Variants in FAM13B observed in about 807,000 individuals in gnomAD.
FAM13B encodes the protein protein FAM13B.
Under a neutral mutation model 117.3 loss-of-function variants are expected in FAM13B, and 60 were observed. That is an observed-to-expected ratio of 0.51 (90% CI 0.42 to 0.63). FAM13B has a LOEUF of 0.63. Among genes scored for constraint, FAM13B ranks in the 30% least tolerant of loss-of-function variants. FAM13B has a pLI of 0.00. For missense variants in FAM13B, 972 were observed against 1,091.9 expected (o/e 0.89, Z 1.55); for synonymous variants, 332 against 356.1 (o/e 0.93, Z 0.76).
At chr5:137,949,552 G>A (rs1042339929) in intron 17 of FAM13B, among the ~76,000 whole-genome samples, 10 of 152,148 alleles carry the variant, frequency 6.6e-5, no homozygotes, top group Non-Finnish European at 1.3e-4. Context: ...TGCCAAGGTG[G>A]GTGGATCACT....
chr5:137,940,747 A>T (rs1010053068), intron 23 of FAM13B, among the ~76,000 whole-genome samples: 1 of 152,234 alleles, frequency 6.6e-6, no homozygotes, highest in Non-Finnish European at 1.5e-5. Context: ...AAACTATCTT[A>T]TCTGCAACAA....
intron 6 of FAM13B, among the ~76,000 whole-genome samples, chr5:138,008,848 T>TTA (rs1315004669): frequency 2.6e-5 from 4 of 152,190 alleles, no homozygotes; most frequent in Non-Finnish European, 5.9e-5. Context: ...AAAGTCATTA[T>TTA]TAACAATAGT....
intron 10 of FAM13B, among the ~76,000 whole-genome samples, chr5:137,975,453 C>T (rs770013266): frequency 2.0e-5 from 3 of 152,144 alleles, no homozygotes; most frequent in Non-Finnish European, 4.4e-5. Flanking sequence ...CTAGTTGGCT[C>T]ACTACAAATT....
rs1441663613 is a variant in FAM13B, at chr5:137,939,278, G to A, written c.*947C>T. 1 of 152,536 alleles carries A rather than the reference G, an allele frequency of 6.6e-6. No homozygotes were observed. The highest frequency in any genetic ancestry group is 1.5e-5 in the Non-Finnish European group (1 of 68,032). 9.4% of individuals were successfully genotyped at this position (152,536 alleles called of 1,614,324 possible). ...GTACATGTGAAAATGCAGTGGTAGAGCCCTTGTTAAGAACAGATTTACTTT... is the reference window on the plus strand; with the variant it reads ...GTACATGTGAAAATGCAGTGGTAGAACCCTTGTTAAGAACAGATTTACTTT... On this transcript the variant is annotated 3_prime_UTR_variant, in exon 24 of 24. Coordinates refer to ENST00000689681, the MANE Select transcript of FAM13B (RefSeq NM_001385994.1).
At chr5:137,960,866 C>A (rs777712442) in intron 11 of FAM13B, among the ~76,000 whole-genome samples, 3 of 152,276 alleles carry the variant, frequency 2.0e-5, no homozygotes, top group Admixed American at 6.5e-5. Flanking sequence ...TTTTACCAGT[C>A]AAGAGAGCAC....
chr5:138,036,939 G>A (rs1203142436), upstream of FAM13B: 4 of 300,484 alleles, frequency 1.3e-5, no homozygotes, highest in Non-Finnish European at 2.6e-5. Context: ...GCTATTGGCT[G>A]GTGGGAGAAG....
At chr5:138,032,749 T>C in intron 1 of FAM13B, 33 bp downstream of exon 1, 12 of 985,572 alleles carry the variant, frequency 1.2e-5, no homozygotes, top group Non-Finnish European at 1.4e-5. Flanking sequence ...AACCCGCGCA[T>C]GCGCAGATCC....
In FAM13B at chr5:137,938,867, G is replaced by C. The variant is rs557580040; in HGVS notation, c.*1358C>G. On this transcript the variant is annotated 3_prime_UTR_variant, in exon 24 of 24. Coordinates refer to ENST00000689681, the MANE Select transcript of FAM13B (RefSeq NM_001385994.1). ...TTAAGAAAACCATGCATGAGTCATT[G>C]CATGCAAAACATGGGTATAGTCAAA... is the stretch of plus-strand genomic sequence containing the variant. 6.6e-6 allele frequency: 1 copy of C among 152,310 alleles called. No individual in the cohort carries two copies. Among genetic ancestry groups the C allele is most frequent in the East Asian group, 1.9e-4 (1 of 5,182 alleles). The allele number at this position is 152,310 out of a possible 1,614,324, so 9.4% of individuals were successfully genotyped here.
intron 1 of FAM13B, chr5:138,039,410 CTT>C (rs1491541338): frequency 6.6e-6 from 1 of 152,086 alleles, no homozygotes. Flanking sequence ...AGGCTCTAGG[CTT>C]TTGAGCCTTC....
At chr5:137,949,751 C>T (rs1764416755) in intron 17 of FAM13B, among the ~76,000 whole-genome samples, 1 of 149,844 alleles carries the variant, frequency 6.7e-6, no homozygotes, top group African/African-American at 2.5e-5. Flanking sequence ...AGTGAGCCAA[C>T]ATCAGCCAAT....
At chr5:138,019,875 T>C (rs912802666) in intron 2 of FAM13B, 9 of 190,374 alleles carry the variant, frequency 4.7e-5, no homozygotes, top group Non-Finnish European at 6.7e-5. Flanking sequence ...AGAGATGGGG[T>C]TTCACCGTGT....
At chr5:138,004,065 T>A (rs1247037916) in intron 7 of FAM13B, among the ~76,000 whole-genome samples, 1 of 152,024 alleles carries the variant, frequency 6.6e-6, no homozygotes, top group African/African-American at 2.4e-5. Context: ...AGTCAGGAGT[T>A]TGAGACCAGC....
chr5:137,988,464 A>G, intron 7 of FAM13B, 149 bp from the exon 8 acceptor site: 1 of 602,010 alleles, frequency 1.7e-6, no homozygotes, highest in Non-Finnish European at 2.9e-6. Flanking sequence ...CAAGTTGGAA[A>G]TATTTTCTGA....
chr5:137,992,384 G>A (rs889698283), intron 7 of FAM13B, among the ~76,000 whole-genome samples: 6 of 150,642 alleles, frequency 4.0e-5, no homozygotes, highest in African/African-American at 9.7e-5. Context: ...ACCTGAGGTC[G>A]GGAGTTAGAG....
chr5:137,943,110 T>C, intron 21 of FAM13B, 23 bp downstream of exon 21: 4 of 1,613,210 alleles, frequency 2.5e-6, no homozygotes, highest in South Asian at 1.1e-5. Context: ...AGGGATCAGA[T>C]AATTATTTCT....
intron 6 of FAM13B, among the ~76,000 whole-genome samples, chr5:138,009,614 G>A (rs1030240415): frequency 2.0e-5 from 3 of 152,108 alleles, no homozygotes; most frequent in Admixed American, 6.5e-5. Context: ...AGACGAGTCT[G>A]GCCAACATGG....
rs1761135817 is a variant in FAM13B, at chr5:137,939,898, C to T, written c.*327G>A. On this transcript the variant is annotated 3_prime_UTR_variant, in exon 24 of 24. Coordinates refer to ENST00000689681, the MANE Select transcript of FAM13B (RefSeq NM_001385994.1). The stretch of plus-strand genomic sequence containing the variant: ...AAAGTTGGTAATAACAAAAAGCTTG[C>T]ATTTCCAAAGTTCTTGAAGTTGAAA... The T allele has an allele frequency of 7.5e-7, 1 of 1,331,302 alleles. No individual in the cohort carries two copies. Among genetic ancestry groups the T allele is most frequent in the South Asian group, 2.3e-5 (1 of 42,930 alleles). 82.5% of individuals were successfully genotyped at this position (1,331,302 alleles called of 1,614,324 possible).
chr5:138,011,097 T>C lies in FAM13B; in HGVS notation c.601A>G (p.Met201Val). The C allele has an allele frequency of 6.2e-7, 1 of 1,608,838 alleles. No homozygotes were observed. The highest frequency in any genetic ancestry group is 8.5e-7 in the Non-Finnish European group (1 of 1,178,960). The part of the protein sequence containing the change: ...MKEQEIVSRI[M>V]AGLLENYYEF... ...TAGTAGTTTTCCAGAAGTCCAGCCA[T>C]TATCCTGCTCACTATTTCTTGCTCT... is the stretch of plus-strand genomic sequence containing the variant. Residue 201 changes from methionine to valine, a missense_variant, in exon 6 of 24, where the codon ATG becomes GTG. Coordinates refer to ENST00000689681, the MANE Select transcript of FAM13B (RefSeq NM_001385994.1).
chr5:137,942,446 CCAAA>C (rs1457387013), intron 22 of FAM13B: 2 of 215,974 alleles, frequency 9.3e-6, no homozygotes, highest in African/African-American at 4.6e-5. Context: ...TCAACATCCT[CCAAA>C]CAGAGAATCA....
Sources: gnomAD v4.1 joint callset for allele counts (sites outside exome capture counted in the v4.1 genomes callset) on GRCh38, gnomAD v4.1.1 for gene constraint, MANE v1.5 for transcripts, NCBI Gene and HGNC (gene_info 2026-07-23, HGNC 2026-07-21) for gene names.